The following CHRM3 variants were observed in gnomAD, a reference collection of about 807,000 sequenced individuals.
The protein encoded by CHRM3 is cholinergic receptor muscarinic 3, also known as muscarinic acetylcholine receptor M3.
A neutral mutation model predicts 41.8 loss-of-function variants in CHRM3; 11 were observed. The ratio of observed to expected loss-of-function variants is 0.26; its 90% CI spans 0.17 to 0.44. The LOEUF is 0.44. CHRM3 is among the 20% of genes least tolerant of loss of function. The pLI is 1.00. For missense variants in CHRM3, 571 were observed against 745.4 expected (o/e 0.77, Z 2.72); for synonymous variants, 297 against 301.4 (o/e 0.99, Z 0.15).
rs572329567 is a variant in CHRM3 at position 239,783,750 on chromosome 1, T to C, written c.-146-43502T>C. Among the ~76,000 whole-genome samples the C allele has an allele frequency of 6.6e-5, 10 of 152,296 alleles. No individual in the cohort carries two copies. In the South Asian group the frequency reaches 2.1e-3, roughly 32 times the overall value. ...TTAGGTTCGGGGGTATATGTGCAGG[T>C]TTGTCACATGAATAAGTTGCATGAT... On this transcript the variant is annotated intron_variant, in intron 5 of 6. Transcript: ENST00000676153.
intron 6 of CHRM3, among the ~76,000 whole-genome samples, chr1:239,850,860 C>T (rs567658720): frequency 1.8e-4 from 27 of 152,286 alleles, no homozygotes; most frequent in Non-Finnish European, 3.5e-4. Context: ...CCATACAGAA[C>T]TGTGAATCAA....
At chr1:239,627,934 C>T (rs1454723586) in intron 3 of CHRM3, among the ~76,000 whole-genome samples, 3 of 147,126 alleles carry the variant, frequency 2.0e-5, no homozygotes, top group Non-Finnish European at 3.0e-5. Flanking sequence ...CTGCCCTTAA[C>T]ATTTTTTCCT....
intron 1 of CHRM3, among the ~76,000 whole-genome samples, chr1:239,450,487 GATC>G: frequency 6.6e-6 from 1 of 152,150 alleles, no homozygotes; most frequent in African/African-American, 2.4e-5. Context: ...ATGATTTTCA[GATC>G]TTCATAGTAG....
At chr1:239,817,471 C>T (rs1336103960) in intron 5 of CHRM3, among the ~76,000 whole-genome samples, 20 of 152,074 alleles carry the variant, frequency 1.3e-4, no homozygotes. Flanking sequence ...AAGACAGAAT[C>T]CAGTACCACT....
At chr1:239,694,508 T>C (rs1660002410) in intron 5 of CHRM3, among the ~76,000 whole-genome samples, 1 of 152,220 alleles carries the variant, frequency 6.6e-6, no homozygotes, top group Non-Finnish European at 1.5e-5. Context: ...TGGCAGAAAG[T>C]GCTTATGAAA....
At chr1:239,862,427 C>G (rs1360309372) in intron 6 of CHRM3, among the ~76,000 whole-genome samples, 1 of 152,100 alleles carries the variant, frequency 6.6e-6, no homozygotes, top group Non-Finnish European at 1.5e-5. Flanking sequence ...GTAATCAGTG[C>G]AGTCAAAACT....
intron 2 of CHRM3, among the ~76,000 whole-genome samples, chr1:239,533,755 A>C (rs912105414): frequency 1.3e-5 from 2 of 150,312 alleles, no homozygotes; most frequent in Non-Finnish European, 3.0e-5. Context: ...AAAAAACAAA[A>C]AAACCCTTAA....
chr1:239,576,422 A>G (rs1662348422), intron 3 of CHRM3, among the ~76,000 whole-genome samples: 1 of 152,166 alleles, frequency 6.6e-6, no homozygotes, highest in Non-Finnish European at 1.5e-5. Context: ...ACTATTGAAC[A>G]GTTTGGCTCA....
intron 1 of CHRM3, among the ~76,000 whole-genome samples, chr1:239,441,113 G>A (rs527716331): frequency 2.0e-5 from 3 of 152,252 alleles, no homozygotes; most frequent in African/African-American, 4.8e-5. Context: ...TGGAGGGATT[G>A]TAAAATTCTA....
chr1:239,686,274 G>A (rs1659141334), intron 5 of CHRM3, among the ~76,000 whole-genome samples: 1 of 152,174 alleles, frequency 6.6e-6, no homozygotes, highest in South Asian at 2.1e-4. Flanking sequence ...AAACAGCAGA[G>A]TTTCTATGGG....
At chr1:239,577,466 A>G (rs1416213220) in intron 3 of CHRM3, among the ~76,000 whole-genome samples, 3 of 152,190 alleles carry the variant, frequency 2.0e-5, no homozygotes, top group African/African-American at 4.8e-5. Flanking sequence ...AAGTAAATAT[A>G]TAAAGTGTGG....
At chr1:239,795,044 G>T (rs545914326) in intron 5 of CHRM3, among the ~76,000 whole-genome samples, 1 of 152,082 alleles carries the variant, frequency 6.6e-6, no homozygotes, top group East Asian at 1.9e-4. Context: ...CAATCTTTAT[G>T]ATATTGTAGT....
chr1:239,624,817 C>T (rs1181823592), intron 3 of CHRM3, among the ~76,000 whole-genome samples: 1 of 40,480 alleles, frequency 2.5e-5, no homozygotes, highest in South Asian at 1.5e-3. Flanking sequence ...TGTAGATATG[C>T]GGCATTATTT....
chr1:239,607,895 C>G (rs562805419), intron 3 of CHRM3, among the ~76,000 whole-genome samples: 1 of 152,024 alleles, frequency 6.6e-6, no homozygotes, highest in Non-Finnish European at 1.5e-5. Context: ...GTTCTGCATT[C>G]TGTTTTATGA....
intron 6 of CHRM3, among the ~76,000 whole-genome samples, chr1:239,900,659 G>A (rs1238101784): frequency 6.6e-6 from 1 of 152,134 alleles, no homozygotes; most frequent in African/African-American, 2.4e-5. Flanking sequence ...CACCTGGGCT[G>A]TCGAGAAAAG....
chr1:239,793,925 A>G (rs980653673), intron 5 of CHRM3, among the ~76,000 whole-genome samples: 5 of 139,606 alleles, frequency 3.6e-5, no homozygotes, highest in Admixed American at 8.1e-5. Flanking sequence ...TTTTCCTCCT[A>G]CCTCAGCCTC....
chr1:239,391,338 C>T (rs1442386048), intron 1 of CHRM3, among the ~76,000 whole-genome samples: 4 of 152,180 alleles, frequency 2.6e-5, no homozygotes, highest in African/African-American at 9.7e-5. Flanking sequence ...TTTGAACAAA[C>T]TCTGAAATGC....
At chr1:239,421,320 A>G (rs1261288621) in intron 1 of CHRM3, among the ~76,000 whole-genome samples, 3 of 152,182 alleles carry the variant, frequency 2.0e-5, no homozygotes, top group East Asian at 1.9e-4. Flanking sequence ...TAGTGGCCTC[A>G]TATACCCATT....
chr1:239,393,309 CT>C (rs1558186687), intron 1 of CHRM3, among the ~76,000 whole-genome samples: 2 of 152,064 alleles, frequency 1.3e-5, no homozygotes, highest in Admixed American at 6.5e-5. Context: ...TGAACACAGT[CT>C]TTTTTGTGAT....
Sources: allele counts gnomAD v4.1 joint callset (sites outside exome capture counted in the v4.1 genomes callset), GRCh38; gene constraint gnomAD v4.1.1; transcripts MANE v1.5; gene names NCBI Gene and HGNC (gene_info 2026-07-23, HGNC 2026-07-21).